The following SHROOM3 variants were observed in gnomAD, a reference collection of about 807,000 sequenced individuals.
SHROOM3 encodes shroom family member 3.
SHROOM3 carries 47 observed loss-of-function variants against 138.6 expected under a neutral mutation model. The ratio of observed to expected loss-of-function variants is 0.34; its 90% CI spans 0.27 to 0.43. SHROOM3 has a LOEUF of 0.43. Among genes scored for constraint, SHROOM3 ranks in the 20% least tolerant of loss-of-function variants. The pLI, the probability that SHROOM3 is intolerant of heterozygous loss-of-function variation, is 1.00. For missense variants in SHROOM3, 2,491 were observed against 2,596.5 expected, an observed-to-expected ratio of 0.96 and a Z score of 0.88; for synonymous variants, 1,062 against 1,063.3, an observed-to-expected ratio of 1.00 and a Z score of 0.02.
At chr4:76,551,109 G>A (rs542597776) in intron 1 of SHROOM3, among the ~76,000 whole-genome samples, 3 of 147,770 alleles carry the variant, frequency 2.0e-5, no homozygotes, top group East Asian at 2.3e-4. Context: ...GGGCCCAAGC[G>A]ATCCTCCCAC....
intron 1 of SHROOM3, among the ~76,000 whole-genome samples, chr4:76,518,567 TTGCCTGCTTGCC>T (rs1360443695): frequency 5.0e-5 from 7 of 141,078 alleles, no homozygotes; most frequent in South Asian, 4.9e-4. Context: ...TCCTTCCTTC[TTGCCTGCTTGCC>T]TGCCTGCCTG....
intron 1 of SHROOM3, among the ~76,000 whole-genome samples, chr4:76,468,505 A>G (rs1035435340): frequency 7.2e-5 from 11 of 151,964 alleles, no homozygotes; most frequent in African/African-American, 2.7e-4. Context: ...AGTAGTTACC[A>G]CTTAGCTATT....
At chr4:76,649,950 A>G (rs1483461594) in intron 2 of SHROOM3, among the ~76,000 whole-genome samples, 1 of 152,210 alleles carries the variant, frequency 6.6e-6, no homozygotes, top group Non-Finnish European at 1.5e-5. Context: ...AAAGTCCAAG[A>G]TCAAGGTGCT....
At chr4:76,512,405 T>C (rs892225810) in intron 1 of SHROOM3, among the ~76,000 whole-genome samples, 1 of 152,184 alleles carries the variant, frequency 6.6e-6, no homozygotes, top group South Asian at 2.1e-4. Context: ...TTTATTTCCT[T>C]CCTGCTAAGT....
intron 2 of SHROOM3, among the ~76,000 whole-genome samples, chr4:76,631,059 GACAACAA>G (rs1372228036): frequency 6.6e-6 from 1 of 152,078 alleles, no homozygotes; most frequent in African/African-American, 2.4e-5. Flanking sequence ...GGGGTATGCA[GACAACAA>G]ACAAATAAGC....
chr4:76,693,659 A>G (rs1195720907), intron 2 of SHROOM3, among the ~76,000 whole-genome samples: 1 of 152,034 alleles, frequency 6.6e-6, no homozygotes, highest in African/African-American at 2.4e-5. Context: ...TGCTGGGATT[A>G]CAGGTGTGAG....
At chr4:76,548,408 C>T (rs1215634631) in intron 1 of SHROOM3, among the ~76,000 whole-genome samples, 7 of 152,190 alleles carry the variant, frequency 4.6e-5, no homozygotes, top group African/African-American at 1.7e-4. Flanking sequence ...AGCAGCTCCA[C>T]CCTTTCTCAC....
At chr4:76,546,917 G>A (rs1477259291) in intron 1 of SHROOM3, among the ~76,000 whole-genome samples, 3 of 152,200 alleles carry the variant, frequency 2.0e-5, no homozygotes, top group Admixed American at 2.0e-4. Context: ...GCTAAATTCT[G>A]CTGTGGTAGA....
At chr4:76,650,811 G>T in intron 2 of SHROOM3, among the ~76,000 whole-genome samples, 1 of 152,080 alleles carries the variant, frequency 6.6e-6, no homozygotes, top group Middle Eastern at 3.2e-3. Context: ...CCAAAGTGCT[G>T]GGATTATAGG....
intron 2 of SHROOM3, among the ~76,000 whole-genome samples, chr4:76,642,506 C>G (rs1167749883): frequency 1.3e-5 from 2 of 152,108 alleles, no homozygotes; most frequent in African/African-American, 4.8e-5. Flanking sequence ...GGAGGCCAGT[C>G]ACTGGAGGCA....
chr4:76,706,750 G>A (rs376418111), intron 2 of SHROOM3, among the ~76,000 whole-genome samples: 126 of 152,328 alleles, frequency 8.3e-4, no homozygotes, highest in African/African-American at 2.8e-3. Flanking sequence ...GCACTAAGCT[G>A]AGCTGGTTTA....
intron 1 of SHROOM3, among the ~76,000 whole-genome samples, chr4:76,521,974 C>A (rs1299929803): frequency 6.6e-6 from 1 of 152,078 alleles, no homozygotes; most frequent in Non-Finnish European, 1.5e-5. Flanking sequence ...ACATGCTTAA[C>A]CTCAATCTAA....
rs149242516 is a variant in SHROOM3 at position 76,465,852 on chromosome 4, C to G, written c.168+29632C>G. ...CACTTGTTCCTAATAACTGAAAATG[C>G]TTTTTGAAAAACTAAATATGCCATG... is the stretch of plus-strand genomic sequence containing the variant. On this transcript the variant is annotated intron_variant, in intron 1 of 10. Transcript: ENST00000296043. 4.9e-3 allele frequency among the ~76,000 whole-genome samples: 747 copies of G among 152,292 alleles called. 7 individuals carry two copies. Among genetic ancestry groups the G allele is most frequent in the East Asian group, 7.1e-3 (37 of 5,182 alleles).
intron 2 of SHROOM3, among the ~76,000 whole-genome samples, chr4:76,675,506 A>C (rs2110100276): frequency 6.6e-6 from 1 of 152,258 alleles, no homozygotes; most frequent in African/African-American, 2.4e-5. Context: ...AAGAGTAAGA[A>C]AGATGTAGTC....
chr4:76,742,186 C>CA (rs1397326765), intron 5 of SHROOM3: 1 of 542,348 alleles, frequency 1.8e-6, no homozygotes, highest in East Asian at 3.2e-5. Flanking sequence ...TTTAGGAAGT[C>CA]ACCACCTCTC....
Position 76,779,390 on chromosome 4 carries a change from CCTTT to C in SHROOM3, c.*216_*219del. ...GCTCGAATGCTGCTGGACACGTACC[CCTTT>C]CTATTATTACTTTGTAGTAGAAAGA... is the stretch of plus-strand genomic sequence containing the variant. On this transcript the variant is annotated 3_prime_UTR_variant, in exon 11 of 11. Transcript: ENST00000296043. 1.8e-6 allele frequency: 1 copy of C among 561,560 alleles called. No individual in the cohort carries two copies. The allele number at this position is 561,560 out of a possible 1,614,324, so 34.8% of individuals were successfully genotyped here.
intron 9 of SHROOM3, among the ~76,000 whole-genome samples, chr4:76,760,782 G>T (rs911220020): frequency 5.3e-5 from 8 of 152,158 alleles, no homozygotes. Flanking sequence ...CCCCAGCACT[G>T]CTGAGCACTT....
chr4:76,535,676 C>T (rs1732935825), intron 1 of SHROOM3, among the ~76,000 whole-genome samples: 1 of 152,204 alleles, frequency 6.6e-6, no homozygotes, highest in African/African-American at 2.4e-5. Context: ...CAATAGAAAT[C>T]AGCCCCTCAC....
chr4:76,664,945 G>A lies in SHROOM3; in HGVS notation c.324-45211G>A, dbSNP rs1560584270. ...GTGGGCAGATCACTTGAGCCCAGGA[G>A]TTTGAGACCAGCCTGGGCAACACAG... is the stretch of plus-strand genomic sequence containing the variant. On this transcript the variant is annotated intron_variant, in intron 2 of 10. Coordinates refer to ENST00000296043, the MANE Select transcript of SHROOM3 (RefSeq NM_020859.4). This position sits in a 1 kb window ranked among gnomAD's most constrained non-coding sequence, Gnocchi z 4.2. Among the ~76,000 whole-genome samples the A allele has an allele frequency of 6.6e-6, 1 of 152,006 alleles. No homozygotes were observed. Among genetic ancestry groups the A allele is most frequent in the Non-Finnish European group, 1.5e-5 (1 of 68,006 alleles).
Sources: gnomAD v4.1 joint callset for allele counts (sites outside exome capture counted in the v4.1 genomes callset) on GRCh38, gnomAD v4.1.1 for gene constraint, Gnocchi (gnomAD v3.1) non-coding constraint, MANE v1.5 for transcripts, NCBI Gene and HGNC (gene_info 2026-07-23, HGNC 2026-07-21) for gene names.